NSL1: variants seen among roughly 807,000 people sequenced by gnomAD.
NSL1 encodes the protein NSL1 component of MIS12 kinetochore complex, also known as kinetochore-associated protein NSL1 homolog.
NSL1 carries 11 observed loss-of-function variants against 25.4 expected under a neutral mutation model. That is an observed-to-expected ratio of 0.43 (90% CI 0.27 to 0.72). The LOEUF (loss-of-function observed/expected upper bound fraction) is 0.72, where lower values mean the gene tolerates loss of function less well. Ranked by LOEUF, NSL1 falls within the 30% of genes least tolerant of loss-of-function variation. NSL1 has a pLI of 0.19. For synonymous variants in NSL1, 118 were observed against 120.6 expected (o/e 0.98, Z 0.14); for missense variants, 330 against 342.7 (o/e 0.96, Z 0.29).
intron 4 of NSL1, chr1:212,763,998 AAC>A (rs1659685813): frequency 2.3e-6 from 1 of 437,744 alleles, no homozygotes; most frequent in East Asian, 7.5e-5. Flanking sequence ...CAGCACATGG[AAC>A]AGTCTCCAAG....
chr1:212,791,541 C>G lies in NSL1; in HGVS notation c.223G>C (p.Asp75His). 6.2e-7 allele frequency: 1 copy of G among 1,613,524 alleles called. No homozygotes were observed. Among genetic ancestry groups the G allele is most frequent in the Non-Finnish European group, 8.5e-7 (1 of 1,179,942 alleles). Residue 75 changes from aspartate to histidine, a missense_variant, in exon 1 of 6, where the codon GAT (aspartate) becomes CAT (histidine). Coordinates refer to ENST00000366977, the MANE Select transcript of NSL1 (RefSeq NM_015471.4). The part of the protein sequence containing the change: ...PEEIREPALR[D>H]AQWTFESAVQ... The stretch of plus-strand genomic sequence containing the variant: ...AACTGGTCCCGTACCCACTGCGCAT[C>G]TCGCAGAGCGGGCTCCCGAATCTCC...
intron 2 of NSL1, 95 bp downstream of exon 2, chr1:212,787,464 T>A: frequency 1.3e-6 from 1 of 774,608 alleles, no homozygotes. Context: ...TGAAAATAAA[T>A]GACACTAAAT....
intron 4 of NSL1, among the ~76,000 whole-genome samples, chr1:212,752,587 TA>T (rs1659115301): frequency 1.3e-5 from 2 of 152,206 alleles, no homozygotes; most frequent in African/African-American, 4.8e-5. Flanking sequence ...TGGAAGCAAT[TA>T]TTCATTACAA....
chr1:212,781,953 AT>A, intron 4 of NSL1: 1 of 414,498 alleles, frequency 2.4e-6, no homozygotes, highest in Admixed American at 2.9e-5. Flanking sequence ...TAAATTCAAT[AT>A]ATTTTTATTT....
intron 4 of NSL1, among the ~76,000 whole-genome samples, chr1:212,774,349 T>C (rs1351748267): frequency 6.6e-6 from 1 of 152,134 alleles, no homozygotes; most frequent in African/African-American, 2.4e-5. Context: ...AAATATCACA[T>C]GTACCCCATA....
intron 4 of NSL1, among the ~76,000 whole-genome samples, chr1:212,751,725 CAAA>C (rs1659074674): frequency 6.6e-6 from 1 of 151,340 alleles, no homozygotes; most frequent in Non-Finnish European, 1.5e-5. Context: ...TTTTTAAAGA[CAAA>C]AGAAGGAAAA....
At chr1:212,775,603 A>C (rs1660323375) in intron 4 of NSL1, among the ~76,000 whole-genome samples, 1 of 143,070 alleles carries the variant, frequency 7.0e-6, no homozygotes. Context: ...CTCTACCAGA[A>C]AAAAAAAACA....
At position 212,732,004 on chromosome 1, in the gene NSL1, T is replaced by C; in HGVS notation, c.*6404A>G. The C allele has an allele frequency of 1.5e-5, 15 of 984,832 alleles. No individual in the cohort carries two copies. Among genetic ancestry groups the C allele is most frequent in the Non-Finnish European group, 1.8e-5 (15 of 829,842 alleles). The allele number at this position is 984,832 out of a possible 1,614,324, so 61.0% of individuals were successfully genotyped here. A position where few individuals can be genotyped will look rare whatever the true frequency, so the allele number is the denominator to read the frequency against. On this transcript the variant is annotated 3_prime_UTR_variant, in exon 6 of 6. Coordinates refer to ENST00000366977, the MANE Select transcript of NSL1 (RefSeq NM_015471.4). Reference sequence around the variant, plus strand: ...GTACTAATTGCTAATTCCCATCCTTTAGCCTCCCAGTGTAACTGTCCCAAT... The same window carrying C: ...GTACTAATTGCTAATTCCCATCCTTCAGCCTCCCAGTGTAACTGTCCCAAT...
Position 212,729,937 on chromosome 1 carries a change from C to T in NSL1, c.*8471G>A. Reference sequence around the variant, plus strand: ...GCTGCCTTGTGGAGGAACTAAACCTCCGGAAGGATTTTTTTTTTTAAGAAT... The same window carrying T: ...GCTGCCTTGTGGAGGAACTAAACCTTCGGAAGGATTTTTTTTTTTAAGAAT... On this transcript the variant is annotated 3_prime_UTR_variant, in exon 6 of 6. Transcript: ENST00000366977. 6.1e-6 allele frequency: 6 copies of T among 984,618 alleles called. No homozygotes were observed. The highest frequency in any genetic ancestry group is 7.2e-6 in the Non-Finnish European group (6 of 829,768). 61.0% of individuals were successfully genotyped at this position (984,618 alleles called of 1,614,324 possible).
At chr1:212,775,768 T>C (rs1206370409) in intron 4 of NSL1, among the ~76,000 whole-genome samples, 1 of 152,062 alleles carries the variant, frequency 6.6e-6, no homozygotes. Context: ...TTTGGGAATT[T>C]TGATTCATAA....
At chr1:212,742,644 C>T (rs1177549931) in intron 4 of NSL1, among the ~76,000 whole-genome samples, 2 of 151,860 alleles carry the variant, frequency 1.3e-5, no homozygotes, top group African/African-American at 2.4e-5. Context: ...ATCATACTGT[C>T]GAAAGGTGAT....
intron 4 of NSL1, among the ~76,000 whole-genome samples, chr1:212,771,437 G>T (rs905341526): frequency 6.6e-5 from 10 of 152,064 alleles, no homozygotes; most frequent in African/African-American, 2.4e-4. Context: ...TCAAGAATTG[G>T]AACAAGACAA....
chr1:212,774,209 A>G (rs75934161), intron 4 of NSL1, among the ~76,000 whole-genome samples: 3,470 of 152,308 alleles, frequency 0.023, 63 homozygotes, highest in South Asian at 0.042. Flanking sequence ...TAAAAATAAT[A>G]TGTCATATAT....
chr1:212,773,093 T>C (rs1660198889), intron 4 of NSL1, among the ~76,000 whole-genome samples: 1 of 152,030 alleles, frequency 6.6e-6, no homozygotes, highest in Non-Finnish European at 1.5e-5. Flanking sequence ...AAAACTACTA[T>C]AGGGAAACAT....
chr1:212,738,725 A>C, intron 5 of NSL1, 39 bp from the exon 6 acceptor site: 507 of 1,528,096 alleles, frequency 3.3e-4, no homozygotes, highest in Non-Finnish European at 4.1e-4. Context: ...CATTAATCTC[A>C]GGTTGAAACA....
chr1:212,742,762 A>G (rs866001501), intron 4 of NSL1, among the ~76,000 whole-genome samples: 21 of 152,208 alleles, frequency 1.4e-4, no homozygotes, highest in Non-Finnish European at 2.8e-4. Context: ...AGGCAATTCA[A>G]AACTATAATT....
intron 4 of NSL1, among the ~76,000 whole-genome samples, chr1:212,779,880 G>A (rs1391996321): frequency 7.6e-6 from 1 of 130,728 alleles, no homozygotes; most frequent in African/African-American, 2.9e-5. Context: ...GGAGGGAGGT[G>A]GGGGGGTCAG....
chr1:212,776,372 AT>A (rs1243188011), intron 4 of NSL1, among the ~76,000 whole-genome samples: 8 of 151,166 alleles, frequency 5.3e-5, no homozygotes, highest in South Asian at 2.1e-4. Flanking sequence ...TCAAAAAAAA[AT>A]AATAAATAAT....
chr1:212,742,709 T>C (rs1658561220), intron 4 of NSL1, among the ~76,000 whole-genome samples: 3 of 152,208 alleles, frequency 2.0e-5, no homozygotes, highest in Non-Finnish European at 4.4e-5. Context: ...ATAGAGATGA[T>C]ATGTGGCTGA....
Sources: allele counts gnomAD v4.1 joint callset (sites outside exome capture counted in the v4.1 genomes callset), GRCh38; gene constraint gnomAD v4.1.1; transcripts MANE v1.5; gene names NCBI Gene and HGNC (gene_info 2026-07-23, HGNC 2026-07-21).